Variants in OR4D1 observed in about 807,000 individuals in gnomAD.
The protein encoded by OR4D1 is olfactory receptor 4D1.
A neutral mutation model predicts 14.2 loss-of-function variants in OR4D1; 10 were observed. That is an observed-to-expected ratio of 0.71 (90% CI 0.44 to 1.20). OR4D1 has a LOEUF of 1.20. OR4D1 is among the 50% of genes most tolerant of loss of function. The pLI is 0.00. For missense variants in OR4D1, 345 were observed against 376.6 expected (o/e 0.92, Z 0.70); for synonymous variants, 141 against 147.4 (o/e 0.96, Z 0.32).
At position 58,149,458 on chromosome 17, in the gene OR4D1, C is replaced by T. The variant is rs1373290443; in HGVS notation, c.-465C>T. ...CACGGCAGTCTGGCCCATCCCAGCACCCTGTCCTCCATTAAGCAATCACAC... is the reference window on the plus strand; with the variant it reads ...CACGGCAGTCTGGCCCATCCCAGCATCCTGTCCTCCATTAAGCAATCACAC... On this transcript the variant is annotated 5_prime_UTR_variant, in exon 2 of 4. Transcript: ENST00000268912. 2.6e-5 allele frequency: 4 copies of T among 152,442 alleles called. No homozygotes were observed. The highest frequency in any genetic ancestry group is 9.6e-5 in the African/African-American group (4 of 41,458). The allele number at this position is 152,442 out of a possible 1,614,324, so 9.4% of individuals were successfully genotyped here.
chr17:58,156,846 T>C lies in OR4D1; in HGVS notation c.*760T>C. On this transcript the variant is annotated 3_prime_UTR_variant, in exon 4 of 4. Transcript: ENST00000268912. ...CTGATGAATGGTCAACTGCTTCATC[T>C]TAACTCTGGGACAGTTACATTCTTT... 2.6e-6 allele frequency: 1 copy of C among 385,532 alleles called. No individual in the cohort carries two copies. The highest frequency in any genetic ancestry group is 4.8e-6 in the Non-Finnish European group (1 of 207,624). The allele number at this position is 385,532 out of a possible 1,614,324, so 23.9% of individuals were successfully genotyped here.
In OR4D1 at chr17:58,155,394, A is replaced by T; in HGVS notation, c.241A>T (p.Met81Leu). ...LCYSTVTSPKMLVDFLHETKT... is the reference protein window; with the variant it reads ...LCYSTVTSPKLLVDFLHETKT... ...CTATTCCACAGTCACCTCTCCAAAG[A>T]TGCTGGTGGACTTCCTCCATGAGAC... The change falls in exon 4 of 4, where the codon ATG (methionine) becomes TTG (leucine). Residue 81 changes from methionine to leucine, a missense_variant. Physicochemically the swap from Met to Leu is conservative, Grantham distance 15. Coordinates refer to ENST00000268912, the MANE Select transcript of OR4D1 (RefSeq NM_001386095.1). 1 of 1,614,132 alleles carries T rather than the reference A, an allele frequency of 6.2e-7. No individual in the cohort carries two copies. Among genetic ancestry groups the T allele is most frequent in the Middle Eastern group, 1.6e-4 (1 of 6,062 alleles).
In OR4D1 at chr17:58,157,183, C is replaced by T; in HGVS notation, c.*1097C>T. 1 of 1,461,890 alleles carries T rather than the reference C, an allele frequency of 6.8e-7. No homozygotes were observed. Among genetic ancestry groups the T allele is most frequent in the Non-Finnish European group, 9.1e-7 (1 of 1,103,772 alleles). 90.6% of individuals were successfully genotyped at this position (1,461,890 alleles called of 1,614,324 possible). Reference sequence around the variant, plus strand: ...TCGGACAAGAAGCCGCCCAAGGAGGCATCCCCAGTGCCGGCCAAAAGCGCC... The same window carrying T: ...TCGGACAAGAAGCCGCCCAAGGAGGTATCCCCAGTGCCGGCCAAAAGCGCC... On this transcript the variant is annotated 3_prime_UTR_variant, in exon 4 of 4. Transcript: ENST00000268912.
At chr17:58,150,036 T>A (rs1967680799) in intron 2 of OR4D1, among the ~76,000 whole-genome samples, 1 of 152,228 alleles carries the variant, frequency 6.6e-6, no homozygotes, top group Non-Finnish European at 1.5e-5. Context: ...ATAGTGTCTA[T>A]CACATAGTAA....
chr17:58,153,551 A>C (rs1967728148), intron 2 of OR4D1, among the ~76,000 whole-genome samples: 1 of 152,200 alleles, frequency 6.6e-6, no homozygotes, highest in Non-Finnish European at 1.5e-5. Context: ...GTTTATAGAG[A>C]TCTTTCCAAA....
In OR4D1 at chr17:58,159,270, T is replaced by C. The variant is rs1039646031; in HGVS notation, c.*3184T>C. The C allele has an allele frequency of 1.3e-5, 2 of 152,236 alleles. No individual in the cohort carries two copies. Among genetic ancestry groups the C allele is most frequent in the African/African-American group, 4.8e-5 (2 of 41,458 alleles). The allele number at this position is 152,236 out of a possible 1,614,324, so 9.4% of individuals were successfully genotyped here. A position where few individuals can be genotyped will look rare whatever the true frequency, so the allele number is the denominator to read the frequency against. ...AAATATGGCCCCTTCAAAATTCAGG[T>C]ATTGAAATTTAATGTTCAGTGTGAT... is the stretch of plus-strand genomic sequence containing the variant. On this transcript the variant is annotated 3_prime_UTR_variant, in exon 4 of 4. Transcript: ENST00000268912.
Position 58,156,008 on chromosome 17 carries a change from G to A in OR4D1, c.855G>A (p.Met285Ile), listed in dbSNP as rs747888867. ...YTVMTPMLNP[M>I]IYTLRNQDMK... ...TCATGACCCCCATGCTCAACCCCATGATCTACACCCTGAGAAACCAGGACA... is the reference window on the plus strand; with the variant it reads ...TCATGACCCCCATGCTCAACCCCATAATCTACACCCTGAGAAACCAGGACA... Residue 285 changes from methionine (M) to isoleucine (I), a missense_variant, in exon 4 of 4, where the codon ATG (methionine) becomes ATA (isoleucine). By Grantham distance (10) the Met-to-Ile change is conservative. Coordinates refer to ENST00000268912, the MANE Select transcript of OR4D1 (RefSeq NM_001386095.1). The A allele has an allele frequency of 6.2e-7, 1 of 1,614,086 alleles. No homozygotes were observed. The highest frequency in any genetic ancestry group is 1.1e-5 in the South Asian group (1 of 91,076).
rs1967733824 is a variant in OR4D1, at chr17:58,153,921, A to G, written c.-62A>G. Reference sequence around the variant, plus strand: ...CTGCAGCCTTGATCTCCTGGGCTCAAGCAATCCTTCCACCTCAGCCTCCTG... The same window carrying G: ...CTGCAGCCTTGATCTCCTGGGCTCAGGCAATCCTTCCACCTCAGCCTCCTG... On this transcript the variant is annotated 5_prime_UTR_variant, in exon 3 of 4. Transcript: ENST00000268912. 6.6e-6 allele frequency among the ~76,000 whole-genome samples: 1 copy of G among 152,190 alleles called. No individual in the cohort carries two copies. The highest frequency in any genetic ancestry group is 1.5e-5 in the Non-Finnish European group (1 of 68,026).
chr17:58,149,386 T>C (rs905686826), intron 1 of OR4D1, 43 bp from the exon 2 acceptor site: 1 of 152,292 alleles, frequency 6.6e-6, no homozygotes, highest in Admixed American at 6.5e-5. Flanking sequence ...TGAGGTCCTA[T>C]AAACTGCATT....
intron 2 of OR4D1, among the ~76,000 whole-genome samples, chr17:58,150,082 G>T (rs1237792641): frequency 1.3e-5 from 2 of 152,122 alleles, no homozygotes; most frequent in African/African-American, 4.8e-5. Context: ...GACAATTACT[G>T]CTATTACAAC....
rs763153933 is a variant in OR4D1 at position 58,156,183 on chromosome 17, G to GATTACACTT, written c.*100_*108dup. 1 of 802,852 alleles carries GATTACACTT rather than the reference G, an allele frequency of 1.2e-6. No individual in the cohort carries two copies. The highest frequency in any genetic ancestry group is 1.9e-6 in the Non-Finnish European group (1 of 518,998). The allele number at this position is 802,852 out of a possible 1,614,324, so 49.7% of individuals were successfully genotyped here. On this transcript the variant is annotated 3_prime_UTR_variant, in exon 4 of 4. Coordinates refer to ENST00000268912, the MANE Select transcript of OR4D1 (RefSeq NM_001386095.1). Reference sequence around the variant, plus strand: ...AGTCTTTATAAAGCATAACAAATCAGATTACACTTATATTTCTTGAGGACC... The same window carrying GATTACACTT: ...AGTCTTTATAAAGCATAACAAATCAGATTACACTTATTACACTTATATTTCTTGAGGACC...
chr17:58,150,132 T>C (rs1967681829), intron 2 of OR4D1, among the ~76,000 whole-genome samples: 1 of 152,170 alleles, frequency 6.6e-6, no homozygotes, highest in South Asian at 2.1e-4. Flanking sequence ...ATTACTACAA[T>C]TACAATAAAT....
chr17:58,155,755 C>G lies in OR4D1; in HGVS notation c.602C>G (p.Ser201Cys), dbSNP rs1237195514. ...TCCCTCCTGGAGTTCCTCATGATCT[C>G]CAACAGTGGGCTGCTAGTTATCATC... ...DTSLLEFLMI[S>C]NSGLLVIIWF... Residue 201 changes from serine to cysteine, a missense_variant, in exon 4 of 4, where the codon TCC becomes TGC. Transcript: ENST00000268912. 2.5e-6 allele frequency: 4 copies of G among 1,614,042 alleles called. No homozygotes were observed. Among genetic ancestry groups the G allele is most frequent in the Non-Finnish European group, 3.4e-6 (4 of 1,180,022 alleles).
chr17:58,154,341 A>G (rs1284679950), intron 3 of OR4D1, among the ~76,000 whole-genome samples: 1 of 151,640 alleles, frequency 6.6e-6, no homozygotes, highest in Non-Finnish European at 1.5e-5. Context: ...ACATTTTAAA[A>G]GCTCTCCCAA....
rs1967790187 is a variant in OR4D1, at chr17:58,157,374, C to T, written c.*1288C>T. On this transcript the variant is annotated 3_prime_UTR_variant, in exon 4 of 4. Coordinates refer to ENST00000268912, the MANE Select transcript of OR4D1 (RefSeq NM_001386095.1). ...AGGAACCCTGCTGATAATTCGCCGC[C>T]GCCAAGACACGTGAGCCCTACCACC... The T allele has an allele frequency of 7.6e-7, 1 of 1,313,604 alleles. No homozygotes were observed. The highest frequency in any genetic ancestry group is 1.3e-5 in the South Asian group (1 of 75,582). The allele number at this position is 1,313,604 out of a possible 1,614,324, so 81.4% of individuals were successfully genotyped here.
In OR4D1 at chr17:58,159,424, A is replaced by G. The variant is rs912451589; in HGVS notation, c.*3338A>G. On this transcript the variant is annotated 3_prime_UTR_variant, in exon 4 of 4. Transcript: ENST00000268912. ...CTCGCTAGCCCTTTGGTCTTCTGCCATATGAGGACACAGCATTCCTCCCCT... is the reference window on the plus strand; with the variant it reads ...CTCGCTAGCCCTTTGGTCTTCTGCCGTATGAGGACACAGCATTCCTCCCCT... The G allele has an allele frequency of 5.2e-5, 8 of 152,406 alleles. No individual in the cohort carries two copies. The highest frequency in any genetic ancestry group is 1.7e-4 in the African/African-American group (7 of 41,460). 9.4% of individuals were successfully genotyped at this position (152,406 alleles called of 1,614,324 possible). A position where few individuals can be genotyped will look rare whatever the true frequency, so the allele number is the denominator to read the frequency against.
chr17:58,156,992 T>A lies in OR4D1; in HGVS notation c.*906T>A, dbSNP rs929975995. 5 of 782,182 alleles carry A rather than the reference T, an allele frequency of 6.4e-6. No homozygotes were observed. The African/African-American group carries it at 8.6e-5, about 13-fold the overall frequency. The allele number at this position is 782,182 out of a possible 1,614,324, so 48.5% of individuals were successfully genotyped here. ...TGCGGGTTGCTAGCGGAGTCGCGCG[T>A]CGGGAGCTACGTAGGGCAGGGAAGG... On this transcript the variant is annotated 3_prime_UTR_variant, in exon 4 of 4. Coordinates refer to ENST00000268912, the MANE Select transcript of OR4D1 (RefSeq NM_001386095.1).
At position 58,159,309 on chromosome 17, in the gene OR4D1, G is replaced by A. The variant is rs1225403429; in HGVS notation, c.*3223G>A. The A allele has an allele frequency of 2.6e-5, 4 of 152,196 alleles. No individual in the cohort carries two copies. Among genetic ancestry groups the A allele is most frequent in the Non-Finnish European group, 5.9e-5 (4 of 68,030 alleles). The allele number at this position is 152,196 out of a possible 1,614,324, so 9.4% of individuals were successfully genotyped here. A position where few individuals can be genotyped will look rare whatever the true frequency, so the allele number is the denominator to read the frequency against. On this transcript the variant is annotated 3_prime_UTR_variant, in exon 4 of 4. Coordinates refer to ENST00000268912, the MANE Select transcript of OR4D1 (RefSeq NM_001386095.1). The stretch of plus-strand genomic sequence containing the variant: ...GTTCAGTGTGATGGTGTTAAGAGGC[G>A]AAGCCTTTAAGAGGTGATTAGGCCA...
chr17:58,149,978 GAAT>G (rs1967680397), intron 2 of OR4D1, among the ~76,000 whole-genome samples, 182 bp downstream of exon 2: 1 of 152,050 alleles, frequency 6.6e-6, no homozygotes, highest in Non-Finnish European at 1.5e-5. Flanking sequence ...ATAAACATGG[GAAT>G]AATATGTGAG....
Sources: allele counts gnomAD v4.1 joint callset (sites outside exome capture counted in the v4.1 genomes callset), GRCh38; gene constraint gnomAD v4.1.1; transcripts MANE v1.5; gene names NCBI Gene and HGNC (gene_info 2026-07-23, HGNC 2026-07-21).